The following CACNA2D1 variants were observed in gnomAD, a reference collection of about 807,000 sequenced individuals.
The protein encoded by CACNA2D1 is voltage-dependent calcium channel subunit alpha-2/delta-1.
CACNA2D1 carries 53 observed loss-of-function variants against 171.5 expected under a neutral mutation model. The observed-to-expected ratio is 0.31, with a 90% confidence interval of 0.25 to 0.39. CACNA2D1 has a LOEUF of 0.39. Among genes scored for constraint, CACNA2D1 ranks in the 10% least tolerant of loss-of-function variants. The pLI is 1.00. For synonymous variants in CACNA2D1, 442 were observed against 443.1 expected (o/e 1.00, Z 0.03); for missense variants, 903 against 1,299.8 (o/e 0.69, Z 4.69).
rs6979565 is a variant in CACNA2D1 at position 82,086,584 on chromosome 7, T to C, written c.527-1684A>G. Among the ~76,000 whole-genome samples, 707 of 152,282 alleles carry C rather than the reference T, an allele frequency of 4.6e-3. 7 individuals are homozygous for C. Among genetic ancestry groups the C allele is most frequent in the African/African-American group, 0.015 (609 of 41,568 alleles). On this transcript the variant is annotated intron_variant, in intron 6 of 38. Coordinates refer to ENST00000356860, the MANE Select transcript of CACNA2D1 (RefSeq NM_000722.4). ...GATACCCACTATTCATGAATATTTA[T>C]ATCAATATACAAAATAGCATAGAAA...
chr7:81,967,573 A>G, intron 30 of CACNA2D1, 23 bp downstream of exon 30: 1 of 1,301,830 alleles, frequency 7.7e-7, no homozygotes, highest in Non-Finnish European at 1.1e-6. Context: ...ACATAGCATA[A>G]GAATTTTTTA....
chr7:82,032,991 G>T, intron 11 of CACNA2D1, 90 bp from the exon 12 acceptor site: 1 of 760,296 alleles, frequency 1.3e-6, no homozygotes, highest in Non-Finnish European at 2.3e-6. Context: ...TGAGCAGGTT[G>T]CAAGTAATTA....
At chr7:82,201,503 C>T (rs977676747) in intron 3 of CACNA2D1, among the ~76,000 whole-genome samples, 3 of 152,136 alleles carry the variant, frequency 2.0e-5, no homozygotes, top group Admixed American at 6.6e-5. Flanking sequence ...TTATCAAAAA[C>T]GACACTAAGT....
chr7:82,053,855 T>C (rs976235755), intron 10 of CACNA2D1, among the ~76,000 whole-genome samples: 2 of 152,176 alleles, frequency 1.3e-5, no homozygotes, highest in Admixed American at 6.5e-5. Flanking sequence ...CTACGAGTAA[T>C]ATATTCTGTT....
intron 3 of CACNA2D1, among the ~76,000 whole-genome samples, chr7:82,208,766 T>C (rs1451356933): frequency 6.6e-6 from 1 of 152,166 alleles, no homozygotes; most frequent in Non-Finnish European, 1.5e-5. Context: ...AGAGTTGCAT[T>C]GTACAACATG....
At chr7:82,081,890 C>A (rs549275601) in intron 7 of CACNA2D1, among the ~76,000 whole-genome samples, 1 of 152,170 alleles carries the variant, frequency 6.6e-6, no homozygotes, top group Non-Finnish European at 1.5e-5. Flanking sequence ...GGCTCCGGTC[C>A]GCCATTCCAA....
At chr7:81,974,178 A>G (rs945086561) in intron 25 of CACNA2D1, among the ~76,000 whole-genome samples, 2 of 152,048 alleles carry the variant, frequency 1.3e-5, no homozygotes, top group African/African-American at 4.8e-5. Context: ...AAATTTCCTA[A>G]ATTTGAGAGG....
At chr7:82,359,450 C>T (rs905989038) in intron 1 of CACNA2D1, among the ~76,000 whole-genome samples, 21 of 152,106 alleles carry the variant, frequency 1.4e-4, no homozygotes, top group African/African-American at 4.8e-4. Context: ...TGGATTCTAA[C>T]CTAAATGGTG....
At chr7:82,115,626 T>C (rs903381476) in intron 6 of CACNA2D1, among the ~76,000 whole-genome samples, 5 of 151,742 alleles carry the variant, frequency 3.3e-5, no homozygotes, top group Non-Finnish European at 7.4e-5. Flanking sequence ...AGTGGTACTT[T>C]TAAAACACTT....
At chr7:82,269,981 G>A (rs1808401677) in intron 3 of CACNA2D1, among the ~76,000 whole-genome samples, 1 of 152,100 alleles carries the variant, frequency 6.6e-6, no homozygotes, top group Non-Finnish European at 1.5e-5. Flanking sequence ...ATTGGAGGCT[G>A]AGGCATCTAA....
chr7:82,342,595 T>A (rs2129445116), intron 2 of CACNA2D1, among the ~76,000 whole-genome samples: 1 of 152,246 alleles, frequency 6.6e-6, no homozygotes, highest in African/African-American at 2.4e-5. Flanking sequence ...ATAGAATAAA[T>A]ACACAAATTA....
intron 3 of CACNA2D1, among the ~76,000 whole-genome samples, chr7:82,182,523 G>A (rs1797231303): frequency 6.6e-6 from 1 of 150,638 alleles, no homozygotes; most frequent in Non-Finnish European, 1.5e-5. Flanking sequence ...AATAGGGTAA[G>A]AAGTACCTTT....
In CACNA2D1 at chr7:82,405,599, C is replaced by T. The variant is rs181458652; in HGVS notation, c.95+37766G>A. Among the ~76,000 whole-genome samples, 505 of 152,054 alleles carry T rather than the reference C, an allele frequency of 3.3e-3. 6 individuals are homozygous for T. The highest frequency in any genetic ancestry group is 0.011 in the African/African-American group (467 of 41,470). The stretch of plus-strand genomic sequence containing the variant: ...ATCTGTGAAAGTTAGAAGGAGATTC[C>T]GAGGAATGACAAGTATACATAATAT... On this transcript the variant is annotated intron_variant, in intron 1 of 38. Transcript: ENST00000356860.
intron 5 of CACNA2D1, among the ~76,000 whole-genome samples, chr7:82,117,437 G>A (rs553085111): frequency 6.6e-6 from 1 of 152,102 alleles, no homozygotes; most frequent in Admixed American, 6.6e-5. Flanking sequence ...TCATCTTTGG[G>A]GGACGAGGGA....
At chr7:82,431,481 C>T (rs1285248651) in intron 1 of CACNA2D1, among the ~76,000 whole-genome samples, 3 of 151,998 alleles carry the variant, frequency 2.0e-5, no homozygotes, top group African/African-American at 7.2e-5. Flanking sequence ...TTATGTTCTA[C>T]TTTACATGAC....
intron 6 of CACNA2D1, among the ~76,000 whole-genome samples, chr7:82,090,208 T>C (rs1184512324): frequency 6.6e-6 from 1 of 152,146 alleles, no homozygotes; most frequent in Non-Finnish European, 1.5e-5. Flanking sequence ...TGCTGTATAT[T>C]AGATCTCCAG....
At chr7:82,366,880 T>TGCCAGC (rs137961116) in intron 1 of CACNA2D1, among the ~76,000 whole-genome samples, 1,802 of 149,132 alleles carry the variant, frequency 0.012, 49 homozygotes, top group African/African-American at 0.042. Flanking sequence ...TCCACAGCCC[T>TGCCAGC]GCCAGCATCC....
At chr7:82,079,277 G>T (rs1328597168) in intron 7 of CACNA2D1, among the ~76,000 whole-genome samples, 1 of 152,238 alleles carries the variant, frequency 6.6e-6, no homozygotes, top group East Asian at 1.9e-4. Context: ...TATCCTCCTT[G>T]TTTCACAGCT....
At chr7:81,961,248 A>C (rs1350675408) in intron 36 of CACNA2D1, among the ~76,000 whole-genome samples, 1 of 151,826 alleles carries the variant, frequency 6.6e-6, no homozygotes, top group Non-Finnish European at 1.5e-5. Context: ...CAAAATCCCC[A>C]TCTTGCCTTT....
Sources: gnomAD v4.1 joint callset for allele counts (sites outside exome capture counted in the v4.1 genomes callset) on GRCh38, gnomAD v4.1.1 for gene constraint, MANE v1.5 for transcripts, NCBI Gene and HGNC (gene_info 2026-07-23, HGNC 2026-07-21) for gene names.